The following CTNNA3 variants were observed in gnomAD, a reference collection of about 807,000 sequenced individuals.
The protein encoded by CTNNA3 is catenin alpha-3.
CTNNA3 carries 76 observed loss-of-function variants against 95.7 expected under a neutral mutation model. The ratio of observed to expected loss-of-function variants is 0.79; its 90% CI spans 0.66 to 0.96. The LOEUF is 0.96. Among genes scored for constraint, CTNNA3 ranks in the 40% least tolerant of loss-of-function variants. The probability of loss-of-function intolerance (pLI) is 0.00; values close to 1 mark genes in which losing one functional copy is unlikely to be tolerated. For missense variants in CTNNA3, 1,191 were observed against 1,089.8 expected, an observed-to-expected ratio of 1.09 and a Z score of -1.31; for synonymous variants, 431 against 374.4, an observed-to-expected ratio of 1.15 and a Z score of -1.74.
intron 5 of CTNNA3, among the ~76,000 whole-genome samples, chr10:67,468,436 G>A (rs186992824): frequency 8.1e-4 from 123 of 152,162 alleles, no homozygotes; most frequent in African/African-American, 2.6e-3. Context: ...TGTATGCACC[G>A]CCATTGTAGA....
intron 7 of CTNNA3, among the ~76,000 whole-genome samples, chr10:66,779,145 C>A (rs1275218165): frequency 6.6e-6 from 1 of 152,088 alleles, no homozygotes; most frequent in Non-Finnish European, 1.5e-5. Flanking sequence ...AAATTAAGAA[C>A]AAAGTCTTGA....
intron 14 of CTNNA3, among the ~76,000 whole-genome samples, chr10:66,077,343 C>G (rs571881780): frequency 6.6e-6 from 1 of 151,808 alleles, no homozygotes; most frequent in East Asian, 1.9e-4. Context: ...ATAACATTTT[C>G]TACAATTTTT....
chr10:66,159,626 GTTTTTT>G (rs34684370), intron 13 of CTNNA3, among the ~76,000 whole-genome samples: 1 of 114,936 alleles, frequency 8.7e-6, no homozygotes, highest in Non-Finnish European at 1.8e-5. Flanking sequence ...TTTGTTTTCT[GTTTTTT>G]TTTTTTTTTT....
At position 66,864,314 on chromosome 10, in the gene CTNNA3, G is replaced by C. The variant is rs572343917; in HGVS notation, c.1048-88790C>G. Among the ~76,000 whole-genome samples, 10 of 152,194 alleles carry C rather than the reference G, an allele frequency of 6.6e-5. No homozygotes were observed. The South Asian group carries it at 1.9e-3, about 28-fold the overall frequency. Reference sequence around the variant, plus strand: ...CATGGGAATTAGTTAGTTATCATGAGAGTGAGTTTGTTATCAATGTAAATT... The same window carrying C: ...CATGGGAATTAGTTAGTTATCATGACAGTGAGTTTGTTATCAATGTAAATT... On this transcript the variant is annotated intron_variant, in intron 7 of 17. Transcript: ENST00000433211.
intron 13 of CTNNA3, among the ~76,000 whole-genome samples, chr10:66,123,797 G>C (rs1360481007): frequency 6.6e-6 from 1 of 152,140 alleles, no homozygotes; most frequent in East Asian, 1.9e-4. Flanking sequence ...CTGAAGCCAT[G>C]GCCCAAGCTC....
At chr10:66,943,518 CCT>C in intron 7 of CTNNA3, among the ~76,000 whole-genome samples, 1 of 61,944 alleles carries the variant, frequency 1.6e-5, no homozygotes, top group Admixed American at 2.7e-4. Context: ...ATTCCCCCAC[CCT>C]TTTTTTTTTT....
chr10:66,012,492 A>G (rs768480041), intron 15 of CTNNA3, among the ~76,000 whole-genome samples: 2 of 152,226 alleles, frequency 1.3e-5, no homozygotes, highest in African/African-American at 4.8e-5. Context: ...TCTCTCTTCA[A>G]TAAGTACCAT....
At chr10:66,609,300 C>A (rs1911331) in intron 10 of CTNNA3, among the ~76,000 whole-genome samples, 1 of 148,464 alleles carries the variant, frequency 6.7e-6, no homozygotes, top group Non-Finnish European at 1.5e-5. Flanking sequence ...TGACCTCAAG[C>A]AATCTGCCCT....
chr10:67,605,654 T>C (rs938794860), intron 3 of CTNNA3, among the ~76,000 whole-genome samples: 10 of 152,228 alleles, frequency 6.6e-5, no homozygotes, highest in African/African-American at 2.4e-4. Flanking sequence ...GTAAAATTTA[T>C]TTTAAAAATA....
chr10:66,787,909 T>G (rs998289134), intron 7 of CTNNA3, among the ~76,000 whole-genome samples: 3 of 152,176 alleles, frequency 2.0e-5, no homozygotes, highest in African/African-American at 7.2e-5. Context: ...CCCATGTATC[T>G]GAGAGACAGA....
chr10:66,294,845 C>T (rs2091748633), intron 12 of CTNNA3, among the ~76,000 whole-genome samples: 1 of 151,430 alleles, frequency 6.6e-6, no homozygotes, highest in African/African-American at 2.4e-5. Context: ...CGTTGAGTTT[C>T]AGGTAAGTTT....
rs79357282 is a variant in CTNNA3, at chr10:66,377,219, C to T, written c.1732+1933G>A. On this transcript the variant is annotated intron_variant, in intron 12 of 17. Transcript: ENST00000433211. Reference sequence around the variant, plus strand: ...TGGGACATCATAAACTATACCGTTACGCTAATAATAAGATGCTGTTTATAC... The same window carrying T: ...TGGGACATCATAAACTATACCGTTATGCTAATAATAAGATGCTGTTTATAC... Among the ~76,000 whole-genome samples the T allele has an allele frequency of 3.5e-3, 525 of 152,042 alleles. 9 individuals carry two copies. In the East Asian group the frequency reaches 0.035, roughly 10 times the overall value.
At chr10:67,147,672 T>C (rs1238139213) in intron 7 of CTNNA3, among the ~76,000 whole-genome samples, 2 of 152,190 alleles carry the variant, frequency 1.3e-5, no homozygotes, top group African/African-American at 2.4e-5. Context: ...AAATAGTACA[T>C]TTTACACTAC....
In CTNNA3 at chr10:66,766,428, T is replaced by G; in HGVS notation, c.1129-12A>C. 1 of 1,586,702 alleles carries G rather than the reference T, an allele frequency of 6.3e-7. No individual in the cohort carries two copies. The highest frequency in any genetic ancestry group is 1.2e-5 in the South Asian group (1 of 86,776). On this transcript the variant is annotated splice_polypyrimidine_tract_variant and intron_variant, in intron 8 of 17. Coordinates refer to ENST00000433211, the MANE Select transcript of CTNNA3 (RefSeq NM_013266.4). ...ATAGCCTTGCGGAGCTGAGAAGAAA[T>G]GAAAAATTCAGGTTTTTTTTTTCCA...
intron 13 of CTNNA3, among the ~76,000 whole-genome samples, chr10:66,259,088 T>A (rs954808815): frequency 6.6e-6 from 1 of 152,192 alleles, no homozygotes; most frequent in Non-Finnish European, 1.5e-5. Context: ...TCTCTGCCTT[T>A]TTAATGCTCT....
chr10:66,489,994 T>C (rs902200451), intron 11 of CTNNA3, among the ~76,000 whole-genome samples: 7 of 152,224 alleles, frequency 4.6e-5, no homozygotes, highest in African/African-American at 1.7e-4. Flanking sequence ...AGGCATATTA[T>C]TGTCAGCATA....
At chr10:66,598,264 C>A (rs553107995) in intron 10 of CTNNA3, among the ~76,000 whole-genome samples, 3 of 151,956 alleles carry the variant, frequency 2.0e-5, no homozygotes, top group Non-Finnish European at 2.9e-5. Context: ...TATACCTCAA[C>A]ACAGTAAAGT....
intron 5 of CTNNA3, among the ~76,000 whole-genome samples, chr10:67,339,377 CA>C (rs1164367796): frequency 6.6e-6 from 1 of 152,080 alleles, no homozygotes; most frequent in Non-Finnish European, 1.5e-5. Context: ...TTAAATATCA[CA>C]ATTCCCAGAT....
rs549236682 is a variant in CTNNA3 at position 66,843,236 on chromosome 10, C to T, written c.1048-67712G>A. On this transcript the variant is annotated intron_variant, in intron 7 of 17. Coordinates refer to ENST00000433211, the MANE Select transcript of CTNNA3 (RefSeq NM_013266.4). ...AGAAAACCAAGCTCAGGGGGGTTTACGGGCTCACGATCACAGGGGATCAGT... is the reference window on the plus strand; with the variant it reads ...AGAAAACCAAGCTCAGGGGGGTTTATGGGCTCACGATCACAGGGGATCAGT... Among the ~76,000 whole-genome samples, 222 of 152,202 alleles carry T rather than the reference C, an allele frequency of 1.5e-3. 1 individual carries two copies. The highest frequency in any genetic ancestry group is 4.7e-3 in the African/African-American group (195 of 41,542).
Sources: allele counts gnomAD v4.1 joint callset (sites outside exome capture counted in the v4.1 genomes callset), GRCh38; gene constraint gnomAD v4.1.1; transcripts MANE v1.5; gene names NCBI Gene and HGNC (gene_info 2026-07-23, HGNC 2026-07-21).